Variants in CDC14B observed in about 807,000 individuals in gnomAD.
The protein encoded by CDC14B is dual specificity protein phosphatase CDC14B.
In CDC14B, 22 loss-of-function variants were observed where a neutral mutation model predicts 64.2. The ratio of observed to expected loss-of-function variants is 0.34; its 90% CI spans 0.24 to 0.49. The LOEUF is 0.49. CDC14B is among the 20% of genes least tolerant of loss of function. CDC14B has a pLI of 0.99. For synonymous variants in CDC14B, 191 were observed against 215.8 expected (o/e 0.89, Z 1.01); for missense variants, 498 against 629.9 (o/e 0.79, Z 2.24).
At position 96,502,812 on chromosome 9, in the gene CDC14B, A is replaced by T. The variant is rs1001761498; in HGVS notation, c.*941T>A. 7.5e-6 allele frequency: 3 copies of T among 398,668 alleles called. No individual in the cohort carries two copies. The highest frequency in any genetic ancestry group is 1.3e-5 in the Non-Finnish European group (3 of 226,026). 24.7% of individuals were successfully genotyped at this position (398,668 alleles called of 1,614,324 possible). A position where few individuals can be genotyped will look rare whatever the true frequency, so the allele number is the denominator to read the frequency against. ...CTTAGGTGGATCTCATAAGGGAAAA[A>T]AAAAATCCAATGTTACAGGGAAGGA... On this transcript the variant is annotated 3_prime_UTR_variant, in exon 14 of 14. Transcript: ENST00000375241.
At chr9:96,601,117 C>T (rs7859294) in intron 1 of CDC14B, among the ~76,000 whole-genome samples, 9,646 of 151,864 alleles carry the variant, frequency 0.064, 1,058 homozygotes, top group African/African-American at 0.22. Context: ...AAAGTATATG[C>T]GACATAGCAA....
intron 8 of CDC14B, 56 bp from the exon 9 acceptor site, chr9:96,534,213 T>C: frequency 2.8e-6 from 3 of 1,055,498 alleles, no homozygotes; most frequent in South Asian, 1.5e-5. Context: ...CAATGGCTAA[T>C]AGTTTCACCT....
At chr9:96,517,443 G>T (rs1301478006) in intron 12 of CDC14B, among the ~76,000 whole-genome samples, 3 of 150,052 alleles carry the variant, frequency 2.0e-5, no homozygotes, top group Non-Finnish European at 3.0e-5. Context: ...ACGAGGTCAG[G>T]AGATCAAGAC....
chr9:96,519,041 CA>C (rs1314863047), intron 12 of CDC14B, among the ~76,000 whole-genome samples: 7 of 151,958 alleles, frequency 4.6e-5, no homozygotes, highest in African/African-American at 1.5e-4. Context: ...GAGGCTGAGG[CA>C]GGAGAATGGC....
intron 1 of CDC14B, among the ~76,000 whole-genome samples, chr9:96,615,503 TA>T (rs2119075560): frequency 6.6e-6 from 1 of 152,290 alleles, no homozygotes; most frequent in African/African-American, 2.4e-5. Flanking sequence ...GGGACTAAGT[TA>T]AAAAATGATG....
At chr9:96,492,739 T>C (rs536170803) in exon 14 of CDC14B, 13 of 152,214 alleles carry the variant, frequency 8.5e-5, no homozygotes, top group African/African-American at 3.1e-4. Flanking sequence ...AGCAAGACTC[T>C]GTCTTTGGAA....
intron 1 of CDC14B, among the ~76,000 whole-genome samples, chr9:96,615,775 C>T (rs1847589384): frequency 6.6e-6 from 1 of 152,180 alleles, no homozygotes; most frequent in Non-Finnish European, 1.5e-5. Flanking sequence ...ATGCAACAAC[C>T]TGTATATGAA....
At chr9:96,559,252 G>A (rs933393025) in intron 4 of CDC14B, among the ~76,000 whole-genome samples, 3 of 152,200 alleles carry the variant, frequency 2.0e-5, no homozygotes, top group Non-Finnish European at 4.4e-5. Context: ...AAGGAAACAC[G>A]TTACTTTCAG....
chr9:96,520,618 C>G (rs969568558), intron 12 of CDC14B, among the ~76,000 whole-genome samples: 1 of 152,196 alleles, frequency 6.6e-6, no homozygotes, highest in African/African-American at 2.4e-5. Flanking sequence ...CCCTGACTCT[C>G]AACTTGACTT....
intron 12 of CDC14B, chr9:96,514,804 A>C (rs1656959270): frequency 1.0e-6 from 1 of 985,360 alleles, no homozygotes; most frequent in African/African-American, 1.7e-5. Context: ...GGGGTCTTCA[A>C]CATGCTGTTC....
chr9:96,601,178 T>C (rs1846422826), intron 1 of CDC14B, among the ~76,000 whole-genome samples: 1 of 152,060 alleles, frequency 6.6e-6, no homozygotes, highest in Admixed American at 6.6e-5. Flanking sequence ...TATCTGTGTA[T>C]CTAAACATGC....
In CDC14B at chr9:96,579,983, T is replaced by C. The variant is rs543100531; in HGVS notation, c.161-14500A>G. On this transcript the variant is annotated intron_variant, in intron 1 of 13. Transcript: ENST00000375241. ...TGTAGCTTATATAACAAGGACTATA[T>C]ATAAATAAAAAACTATTTCTATGAA... Among the ~76,000 whole-genome samples, 22 of 152,168 alleles carry C rather than the reference T, an allele frequency of 1.4e-4. No individual in the cohort carries two copies. The South Asian group carries it at 4.6e-3, about 32-fold the overall frequency.
At chr9:96,504,112 G>A (rs1564188674) in intron 13 of CDC14B, among the ~76,000 whole-genome samples, 1 of 152,202 alleles carries the variant, frequency 6.6e-6, no homozygotes, top group Non-Finnish European at 1.5e-5. Context: ...ACGCCGCCAG[G>A]GGCACGTGCT....
At chr9:96,534,637 T>G in intron 7 of CDC14B, 95 bp from the exon 8 acceptor site, 1 of 789,326 alleles carries the variant, frequency 1.3e-6, no homozygotes, top group South Asian at 1.7e-5. Context: ...TCAAACTCAT[T>G]TGCTTTAGCG....
intron 7 of CDC14B, among the ~76,000 whole-genome samples, chr9:96,536,539 A>C (rs1839295191): frequency 6.6e-6 from 1 of 152,258 alleles, no homozygotes; most frequent in South Asian, 2.1e-4. Flanking sequence ...CAGAGAAGTA[A>C]AGACAGGGTT....
intron 9 of CDC14B, among the ~76,000 whole-genome samples, chr9:96,524,320 G>A (rs987355518): frequency 1.3e-5 from 2 of 152,232 alleles, no homozygotes; most frequent in Admixed American, 6.5e-5. Context: ...ATGATTCTAT[G>A]TGTAGCCGAG....
At chr9:96,552,266 G>A (rs374957496) in intron 4 of CDC14B, among the ~76,000 whole-genome samples, 1 of 152,150 alleles carries the variant, frequency 6.6e-6, no homozygotes, top group South Asian at 2.1e-4. Flanking sequence ...GGGGTGAGGT[G>A]GAAAGAGACA....
downstream of CDC14B, among the ~76,000 whole-genome samples, chr9:96,495,471 G>A (rs978930212): frequency 7.4e-5 from 11 of 149,632 alleles, no homozygotes; most frequent in Admixed American, 2.1e-4. Flanking sequence ...GGAGTTGTGC[G>A]ATGAACAACC....
At chr9:96,585,756 T>C (rs1845422562) in intron 1 of CDC14B, among the ~76,000 whole-genome samples, 1 of 152,330 alleles carries the variant, frequency 6.6e-6, no homozygotes, top group South Asian at 2.1e-4. Flanking sequence ...ATTCTACTCC[T>C]AAGTATATAT....
Sources: allele counts gnomAD v4.1 joint callset (sites outside exome capture counted in the v4.1 genomes callset), GRCh38; gene constraint gnomAD v4.1.1; transcripts MANE v1.5; gene names NCBI Gene and HGNC (gene_info 2026-07-23, HGNC 2026-07-21).